TENM3: variants seen among roughly 807,000 people sequenced by gnomAD.
The protein encoded by TENM3 is teneurin-3.
In TENM3, 63 loss-of-function variants were observed where a neutral mutation model predicts 255.1. That is an observed-to-expected ratio of 0.25 (90% CI 0.20 to 0.30). The LOEUF (loss-of-function observed/expected upper bound fraction) is 0.30. Among genes scored for constraint, TENM3 ranks in the 10% least tolerant of loss-of-function variants. The pLI is 1.00. For missense variants in TENM3, 2,929 were observed against 3,461.1 expected (o/e 0.85, Z 3.86); for synonymous variants, 1,306 against 1,322.3 (o/e 0.99, Z 0.27).
chr4:182,716,120 A>G (rs72703944), intron 13 of TENM3, among the ~76,000 whole-genome samples: 8,712 of 152,146 alleles, frequency 0.057, 358 homozygotes, highest in Non-Finnish European at 0.082. Context: ...ACTTTCCCCC[A>G]AAGAACCCCC....
At chr4:181,915,418 T>A in the TENM3 span, among the ~76,000 whole-genome samples, 1 of 152,112 alleles carries the variant, frequency 6.6e-6, no homozygotes, top group Non-Finnish European at 1.5e-5. Flanking sequence ...AGATATCAAA[T>A]AAGAATCAGA....
At chr4:182,724,617 G>A (rs956595280) in intron 13 of TENM3, among the ~76,000 whole-genome samples, 1 of 152,182 alleles carries the variant, frequency 6.6e-6, no homozygotes, top group African/African-American at 2.4e-5. Flanking sequence ...CAGACTACAT[G>A]CCAGATGTAC....
At chr4:181,856,603 A>G in the TENM3 span, among the ~76,000 whole-genome samples, 2 of 152,178 alleles carry the variant, frequency 1.3e-5, no homozygotes, top group Non-Finnish European at 2.9e-5. Context: ...TGTTTCTAAC[A>G]AAGTTATAAG....
At chr4:181,811,338 C>T in the TENM3 span, among the ~76,000 whole-genome samples, 1 of 152,094 alleles carries the variant, frequency 6.6e-6, no homozygotes, top group Non-Finnish European at 1.5e-5. Flanking sequence ...TCCAAAAATC[C>T]ATCATGTATC....
intron 3 of TENM3, among the ~76,000 whole-genome samples, chr4:182,364,468 A>C (rs571092150): frequency 6.6e-6 from 1 of 152,038 alleles, no homozygotes; most frequent in East Asian, 1.9e-4. Context: ...CCAGGCTGGA[A>C]TGCAGTGGCG....
intron 1 of TENM3, among the ~76,000 whole-genome samples, chr4:182,223,622 T>C (rs1371946444): frequency 1.3e-5 from 2 of 152,112 alleles, no homozygotes; most frequent in African/African-American, 4.8e-5. Context: ...ATCTCCTTTA[T>C]ATAAATGAGA....
At chr4:182,510,977 G>A (rs1737334533) in intron 3 of TENM3, among the ~76,000 whole-genome samples, 1 of 152,188 alleles carries the variant, frequency 6.6e-6, no homozygotes, top group South Asian at 2.1e-4. Context: ...GCCAAGAGCA[G>A]GCTTGTTACT....
chr4:181,527,814 G>A, the TENM3 span, among the ~76,000 whole-genome samples: 232 of 144,238 alleles, frequency 1.6e-3, 1 homozygote, highest in African/African-American at 5.0e-3. Flanking sequence ...CTTTTTTTTC[G>A]TTTAATGTAA....
chr4:182,081,357 G>A, the TENM3 span, among the ~76,000 whole-genome samples: 9 of 151,964 alleles, frequency 5.9e-5, no homozygotes, highest in East Asian at 3.9e-4. Flanking sequence ...AGGCCGAGGC[G>A]GGTGGATCAC....
chr4:182,580,771 C>A (rs754842762), intron 3 of TENM3, among the ~76,000 whole-genome samples: 3 of 152,162 alleles, frequency 2.0e-5, no homozygotes, highest in Non-Finnish European at 4.4e-5. Context: ...ACTTTGATTG[C>A]AAATTATGTG....
intron 1 of TENM3, among the ~76,000 whole-genome samples, chr4:182,153,463 T>TA (rs1207999007): frequency 6.6e-6 from 1 of 152,118 alleles, no homozygotes; most frequent in Non-Finnish European, 1.5e-5. Context: ...ATAAAACTAA[T>TA]ACAGTCTTGC....
intron 18 of TENM3, among the ~76,000 whole-genome samples, chr4:182,738,774 C>G (rs1339230888): frequency 6.6e-6 from 1 of 152,030 alleles, no homozygotes; most frequent in African/African-American, 2.4e-5. Flanking sequence ...AATTGATCGC[C>G]AAAATGATTT....
the TENM3 span, among the ~76,000 whole-genome samples, chr4:182,106,794 G>C: frequency 6.6e-6 from 1 of 152,090 alleles, no homozygotes; most frequent in South Asian, 2.1e-4. Context: ...ATTGGTATTA[G>C]CATCAGTATC....
intron 3 of TENM3, among the ~76,000 whole-genome samples, chr4:182,386,620 G>C (rs1016334623): frequency 2.0e-5 from 3 of 149,224 alleles, no homozygotes; most frequent in Non-Finnish European, 3.0e-5. Context: ...CTGTAGTTCC[G>C]GGTGGGCGTG....
intron 13 of TENM3, among the ~76,000 whole-genome samples, chr4:182,716,373 A>G (rs1224822657): frequency 6.6e-6 from 1 of 152,158 alleles, no homozygotes; most frequent in Non-Finnish European, 1.5e-5. Flanking sequence ...TCAACTGTGA[A>G]TTGGCCTCAT....
At chr4:181,698,150 G>C in the TENM3 span, among the ~76,000 whole-genome samples, 105 of 151,070 alleles carry the variant, frequency 7.0e-4, no homozygotes, top group Middle Eastern at 3.2e-3. Flanking sequence ...GGAGGCGGAG[G>C]TTGCAGTGAG....
intron 3 of TENM3, among the ~76,000 whole-genome samples, chr4:182,454,562 TGGGAA>T (rs982088203): frequency 2.2e-4 from 33 of 152,316 alleles, no homozygotes; most frequent in African/African-American, 7.2e-4. Context: ...ATTTTAGCAG[TGGGAA>T]TAATGTTTGT....
chr4:182,016,262 T>G, the TENM3 span, among the ~76,000 whole-genome samples: 2 of 152,222 alleles, frequency 1.3e-5, no homozygotes, highest in Non-Finnish European at 2.9e-5. Context: ...ACCGTTGAGG[T>G]ACTTGAGATG....
chr4:182,468,515 A>G (rs1181930633), intron 3 of TENM3, among the ~76,000 whole-genome samples: 2 of 152,158 alleles, frequency 1.3e-5, no homozygotes, highest in African/African-American at 4.8e-5. Context: ...TAGTTCTGAA[A>G]TTCTTCCGTT....
Sources: allele counts gnomAD v4.1 joint callset (sites outside exome capture counted in the v4.1 genomes callset), GRCh38; gene constraint gnomAD v4.1.1; transcripts MANE v1.5; gene names NCBI Gene and HGNC (gene_info 2026-07-23, HGNC 2026-07-21).